ACTR3C: variants seen among roughly 807,000 people sequenced by gnomAD.
ACTR3C encodes the protein actin related protein 3C, also known as actin-related protein 3C.
ACTR3C carries 18 observed loss-of-function variants against 26.3 expected under a neutral mutation model. That is an observed-to-expected ratio of 0.68 (90% CI 0.47 to 1.01). The LOEUF is 1.01. Among genes scored for constraint, ACTR3C ranks in the 50% least tolerant of loss-of-function variants. The pLI, the probability that ACTR3C is intolerant of heterozygous loss-of-function variation, is 0.00. For missense variants in ACTR3C, 184 were observed against 250.7 expected (o/e 0.73, Z 1.80); for synonymous variants, 55 against 94.5 (o/e 0.58, Z 2.42).
chr7:150,025,509 C>T, the ACTR3C span, among the ~76,000 whole-genome samples: 1 of 134,012 alleles, frequency 7.5e-6, no homozygotes, highest in Non-Finnish European at 1.7e-5. Flanking sequence ...CGAAAGCCCC[C>T]TCTCTTTTCC....
the ACTR3C span, among the ~76,000 whole-genome samples, chr7:149,903,599 T>C: frequency 6.6e-6 from 1 of 151,778 alleles, no homozygotes; most frequent in Non-Finnish European, 1.5e-5. Flanking sequence ...AGGAGTGTAG[T>C]GGCGCAATCA....
the ACTR3C span, chr7:149,890,952 A>G: frequency 0.51 from 103,125 of 203,510 alleles, 30,565 homozygotes; most frequent in East Asian, 0.65. Context: ...CAATTCCATC[A>G]CTGAGCTGCT....
the ACTR3C span, among the ~76,000 whole-genome samples, chr7:150,135,510 C>T: frequency 6.6e-6 from 1 of 152,116 alleles, no homozygotes; most frequent in African/African-American, 2.4e-5. Context: ...AGCTGACAGG[C>T]AGATGCAGAG....
At chr7:150,220,074 T>C in the ACTR3C span, among the ~76,000 whole-genome samples, 212 of 144,954 alleles carry the variant, frequency 1.5e-3, 7 homozygotes, top group African/African-American at 2.4e-3. Flanking sequence ...TCTCAACCCC[T>C]GCGATCCGCC....
the ACTR3C span, among the ~76,000 whole-genome samples, chr7:150,060,443 C>G: frequency 6.6e-6 from 1 of 152,158 alleles, no homozygotes; most frequent in Non-Finnish European, 1.5e-5. Context: ...GCTTCTCTTT[C>G]CCACCTATGC....
chr7:150,035,015 C>A, the ACTR3C span, among the ~76,000 whole-genome samples: 9 of 144,548 alleles, frequency 6.2e-5, no homozygotes, highest in Admixed American at 1.4e-4. Context: ...GTCCTCAGAG[C>A]CAGGGGGGGA....
chr7:150,242,098 C>A (rs1832211135), downstream of ACTR3C, among the ~76,000 whole-genome samples: 2 of 151,938 alleles, frequency 1.3e-5, no homozygotes, highest in African/African-American at 4.8e-5. Flanking sequence ...CACCTGTAAT[C>A]CCAGCTACTC....
At chr7:150,059,255 C>CA in the ACTR3C span, among the ~76,000 whole-genome samples, 1 of 152,240 alleles carries the variant, frequency 6.6e-6, no homozygotes, top group Non-Finnish European at 1.5e-5. Context: ...GAGGGCCAAT[C>CA]AGTTGTTACA....
chr7:150,311,210 G>A (rs1330738694), intron 1 of ACTR3C, among the ~76,000 whole-genome samples: 1 of 152,034 alleles, frequency 6.6e-6, no homozygotes, highest in Admixed American at 6.5e-5. Context: ...CTCCCACACT[G>A]GCACTCCTTG....
chr7:150,285,174 G>A (rs1263599652), intron 5 of ACTR3C, among the ~76,000 whole-genome samples: 2 of 152,252 alleles, frequency 1.3e-5, no homozygotes, highest in African/African-American at 2.4e-5. Context: ...TACGTGACAC[G>A]CAGTGAGAAA....
At chr7:150,197,158 C>G in the ACTR3C span, among the ~76,000 whole-genome samples, 1 of 152,210 alleles carries the variant, frequency 6.6e-6, no homozygotes, top group Non-Finnish European at 1.5e-5. Flanking sequence ...TCCCCTCCCT[C>G]AGGCAGCACC....
chr7:150,203,755 C>T, the ACTR3C span, among the ~76,000 whole-genome samples: 10 of 151,954 alleles, frequency 6.6e-5, no homozygotes, highest in East Asian at 1.9e-4. Flanking sequence ...TTAGTAGAGA[C>T]GGGGTTTCAC....
At chr7:150,219,898 A>G in the ACTR3C span, among the ~76,000 whole-genome samples, 1 of 144,790 alleles carries the variant, frequency 6.9e-6, no homozygotes, top group Admixed American at 6.6e-5. Context: ...TCTGCCTCCC[A>G]ACGCCGACCT....
At chr7:150,101,114 C>G in the ACTR3C span, among the ~76,000 whole-genome samples, 3 of 151,614 alleles carry the variant, frequency 2.0e-5, no homozygotes, top group East Asian at 5.8e-4. Flanking sequence ...AGGACTCTAC[C>G]TCCATTCAGA....
At chr7:150,088,097 T>A in the ACTR3C span, among the ~76,000 whole-genome samples, 1 of 152,252 alleles carries the variant, frequency 6.6e-6, no homozygotes, top group African/African-American at 2.4e-5. Flanking sequence ...TTGTCAGATA[T>A]TCAATTTGCA....
chr7:150,133,981 G>A, the ACTR3C span, among the ~76,000 whole-genome samples: 857 of 152,148 alleles, frequency 5.6e-3, 5 homozygotes, highest in African/African-American at 0.02. Flanking sequence ...CAAGTGATCT[G>A]CCTGTCTCAG....
chr7:150,090,437 A>G, the ACTR3C span, among the ~76,000 whole-genome samples: 4 of 152,196 alleles, frequency 2.6e-5, no homozygotes, highest in Non-Finnish European at 5.9e-5. Context: ...AAAGGTGTAT[A>G]AAGCTTTGCC....
chr7:150,176,801 T>C, the ACTR3C span, among the ~76,000 whole-genome samples: 1 of 150,970 alleles, frequency 6.6e-6, no homozygotes, highest in Non-Finnish European at 1.5e-5. Context: ...GGGATCTTAT[T>C]GAATTCAATA....
At chr7:150,139,238 G>C in the ACTR3C span, among the ~76,000 whole-genome samples, 2 of 152,212 alleles carry the variant, frequency 1.3e-5, no homozygotes, top group Non-Finnish European at 2.9e-5. Context: ...TAAACTCACA[G>C]ACAGCAGCGA....
Sources: allele counts gnomAD v4.1 joint callset (sites outside exome capture counted in the v4.1 genomes callset), GRCh38; gene constraint gnomAD v4.1.1; transcripts MANE v1.5; gene names NCBI Gene and HGNC (gene_info 2026-07-23, HGNC 2026-07-21).